SRRM4: variants seen among roughly 807,000 people sequenced by gnomAD.
SRRM4 encodes the protein serine/arginine repetitive matrix protein 4.
Under a neutral mutation model 68.9 loss-of-function variants are expected in SRRM4, and 33 were observed. That is an observed-to-expected ratio of 0.48 (90% CI 0.36 to 0.64). The LOEUF is 0.64. SRRM4 is among the 30% of genes least tolerant of loss of function. SRRM4 has a pLI of 0.00. For synonymous variants in SRRM4, 318 were observed against 318.8 expected, an observed-to-expected ratio of 1.00 and a Z score of 0.03; for missense variants, 817 against 827.1, an observed-to-expected ratio of 0.99 and a Z score of 0.15.
At chr12:118,995,984 T>A (rs1458327874) in intron 1 of SRRM4, among the ~76,000 whole-genome samples, 1 of 152,210 alleles carries the variant, frequency 6.6e-6, no homozygotes, top group Non-Finnish European at 1.5e-5. Flanking sequence ...ACAACTATTT[T>A]CTTTTTTCTT....
intron 1 of SRRM4, among the ~76,000 whole-genome samples, chr12:119,032,175 G>C (rs891940447): frequency 3.3e-5 from 5 of 152,148 alleles, no homozygotes; most frequent in African/African-American, 1.2e-4. Flanking sequence ...TCCTGACTGG[G>C]AATGAAGCGT....
intron 8 of SRRM4, among the ~76,000 whole-genome samples, chr12:119,133,753 C>T (rs903109812): frequency 1.3e-5 from 2 of 152,172 alleles, no homozygotes; most frequent in Non-Finnish European, 2.9e-5. Flanking sequence ...TCTACAAACA[C>T]CTATGGAGCA....
intron 2 of SRRM4, among the ~76,000 whole-genome samples, chr12:119,108,637 C>T (rs1227520625): frequency 7.0e-6 from 1 of 143,724 alleles, no homozygotes; most frequent in Non-Finnish European, 1.5e-5. Context: ...AGGATTGCAA[C>T]CCCTGTTTGT....
intron 1 of SRRM4, among the ~76,000 whole-genome samples, chr12:119,022,981 C>T (rs1953525501): frequency 6.6e-6 from 1 of 152,148 alleles, no homozygotes; most frequent in African/African-American, 2.4e-5. Context: ...CTTTTTGTGT[C>T]TTTTTGAGAA....
Position 119,156,618 on chromosome 12 carries a change from C to CCGGAGT in SRRM4, c.1662_1667dup (p.Ser558_Arg559dup), listed in dbSNP as rs765109726. ...CGGCCAGCCGCAGCTACTCCCGGAG[C>CCGGAGT]CGGAGTCGGAGCCGGAGCCGGAGAC... is the stretch of plus-strand genomic sequence containing the variant. On this transcript the variant is annotated inframe_insertion, in exon 13 of 13. Transcript: ENST00000267260. 1.6e-5 allele frequency: 25 copies of CCGGAGT among 1,608,726 alleles called. No individual in the cohort carries two copies. The highest frequency in any genetic ancestry group is 1.5e-4 in the Admixed American group (9 of 59,784).
chr12:119,008,868 C>T (rs11611681), intron 1 of SRRM4, among the ~76,000 whole-genome samples: 69,729 of 151,372 alleles, frequency 0.46, 16,550 homozygotes, highest in Middle Eastern at 0.67. Context: ...TGCCTGGGGC[C>T]CTTGTTCCTA....
chr12:119,053,900 CT>C (rs1411542568), intron 1 of SRRM4, among the ~76,000 whole-genome samples: 1 of 152,150 alleles, frequency 6.6e-6, no homozygotes, highest in Non-Finnish European at 1.5e-5. Flanking sequence ...TCCAATTATA[CT>C]CTTTTATTTT....
At position 119,123,278 on chromosome 12, in the gene SRRM4, A is replaced by AAGCAGT. The variant is rs1330898760; in HGVS notation, c.515+1161_515+1166dup. Among the ~76,000 whole-genome samples the AAGCAGT allele has an allele frequency of 2.0e-5, 3 of 152,344 alleles. No individual in the cohort carries two copies. In the East Asian group the frequency reaches 5.8e-4, roughly 29 times the overall value. On this transcript the variant is annotated intron_variant, in intron 6 of 12. Transcript: ENST00000267260. ...GAGGCCTGGGGAATGCTCCAGAAGA[A>AAGCAGT]AGCAGTAGAGCCTTGAGTTAGCTGA... is the stretch of plus-strand genomic sequence containing the variant.
intron 1 of SRRM4, among the ~76,000 whole-genome samples, chr12:119,081,219 G>A (rs1953945756): frequency 6.6e-6 from 1 of 152,146 alleles, no homozygotes; most frequent in South Asian, 2.1e-4. Flanking sequence ...ATATTACAGG[G>A]TAATAAATAC....
chr12:119,040,968 G>A (rs1212003594), intron 1 of SRRM4, among the ~76,000 whole-genome samples: 1 of 151,796 alleles, frequency 6.6e-6, no homozygotes, highest in Non-Finnish European at 1.5e-5. Flanking sequence ...TGCTGGCCAG[G>A]CCGGTCTTGA....
chr12:119,029,247 A>G (rs935826666), intron 1 of SRRM4, among the ~76,000 whole-genome samples: 67 of 152,216 alleles, frequency 4.4e-4, no homozygotes, highest in African/African-American at 1.5e-3. Flanking sequence ...AAGGACAAGG[A>G]CAGTGATTTC....
At chr12:119,129,498 C>A (rs1311361412) in intron 7 of SRRM4, among the ~76,000 whole-genome samples, 12 of 152,112 alleles carry the variant, frequency 7.9e-5, no homozygotes, top group Non-Finnish European at 1.8e-4. Flanking sequence ...ATGGCAAAGT[C>A]ACATACACAA....
At position 119,156,624 on chromosome 12, in the gene SRRM4, TCGGAGCCGGAGC is replaced by T. The variant is rs749891251; in HGVS notation, c.1668_1679del (p.Ser556_Arg559del). 2 of 1,602,976 alleles carry T rather than the reference TCGGAGCCGGAGC, an allele frequency of 1.2e-6. No individual in the cohort carries two copies. The highest frequency in any genetic ancestry group is 2.7e-5 in the African/African-American group (2 of 73,346). On this transcript the variant is annotated inframe_deletion, in exon 13 of 13. Transcript: ENST00000267260. ...GCCGCAGCTACTCCCGGAGCCGGAG[TCGGAGCCGGAGC>T]CGGAGACGGAGCCGGACCCGCACGA...
At chr12:119,015,664 A>G (rs1349563847) in intron 1 of SRRM4, among the ~76,000 whole-genome samples, 2 of 152,038 alleles carry the variant, frequency 1.3e-5, no homozygotes, top group African/African-American at 2.4e-5. Context: ...TAGATGCATC[A>G]TTTATTTAAT....
chr12:119,135,666 T>C (rs879896165), intron 8 of SRRM4, among the ~76,000 whole-genome samples: 1 of 152,210 alleles, frequency 6.6e-6, no homozygotes, highest in East Asian at 1.9e-4. Context: ...ATTCTTTACA[T>C]GTATCATCAT....
chr12:119,033,500 C>A (rs1387804036), intron 1 of SRRM4, among the ~76,000 whole-genome samples: 1 of 152,064 alleles, frequency 6.6e-6, no homozygotes, highest in East Asian at 1.9e-4. Context: ...CCCGTCTCTA[C>A]TAAAAATACA....
At chr12:119,151,553 T>C (rs1225566978) in intron 10 of SRRM4, among the ~76,000 whole-genome samples, 21 of 152,226 alleles carry the variant, frequency 1.4e-4, no homozygotes. Flanking sequence ...AATTAACTTC[T>C]GCATAGAAAA....
At chr12:119,153,977 C>T (rs1205750067) in intron 11 of SRRM4, among the ~76,000 whole-genome samples, 1 of 152,060 alleles carries the variant, frequency 6.6e-6, no homozygotes, top group African/African-American at 2.4e-5. Flanking sequence ...CGTCCTCACC[C>T]CTGCAGCACC....
chr12:119,136,027 G>GA (rs11398305), intron 8 of SRRM4, among the ~76,000 whole-genome samples: 18,334 of 152,148 alleles, frequency 0.12, 1,456 homozygotes, highest in African/African-American at 0.22. Flanking sequence ...TGCTCTGTGT[G>GA]AAAAAAAGTA....
Sources: allele counts gnomAD v4.1 joint callset (sites outside exome capture counted in the v4.1 genomes callset), GRCh38; gene constraint gnomAD v4.1.1; transcripts MANE v1.5; gene names NCBI Gene and HGNC (gene_info 2026-07-23, HGNC 2026-07-21).